LINGO2: variants seen among roughly 807,000 people sequenced by gnomAD.
The protein encoded by LINGO2 is leucine-rich repeat and immunoglobulin-like domain-containing nogo receptor-interacting protein 2.
In LINGO2, 14 loss-of-function variants were observed where a neutral mutation model predicts 30.6. The ratio of observed to expected loss-of-function variants is 0.46; its 90% CI spans 0.30 to 0.72. The LOEUF is 0.72. Ranked by LOEUF, LINGO2 falls within the 30% of genes least tolerant of loss-of-function variation. The pLI is 0.07. For missense variants in LINGO2, 729 were observed against 751.7 expected (o/e 0.97, Z 0.35); for synonymous variants, 317 against 288.5 (o/e 1.10, Z -1.00).
At chr9:28,087,307 T>C (rs1825943448) in intron 4 of LINGO2, among the ~76,000 whole-genome samples, 1 of 152,054 alleles carries the variant, frequency 6.6e-6, no homozygotes, top group Non-Finnish European at 1.5e-5. Context: ...TTGGGGTTAT[T>C]TGTTATACAG....
chr9:28,243,457 C>A (rs1246258530), intron 4 of LINGO2, among the ~76,000 whole-genome samples: 13 of 98,286 alleles, frequency 1.3e-4, no homozygotes, highest in South Asian at 7.0e-4. Flanking sequence ...AAGACTCTCT[C>A]AAAAAATAAA....
chr9:28,259,128 G>A (rs1344397935), intron 4 of LINGO2, among the ~76,000 whole-genome samples: 1 of 151,950 alleles, frequency 6.6e-6, no homozygotes, highest in Non-Finnish European at 1.5e-5. Flanking sequence ...TATTCTGTAA[G>A]TAGTGTTGCT....
At chr9:28,436,622 T>G (rs1823946138) in intron 2 of LINGO2, among the ~76,000 whole-genome samples, 1 of 151,872 alleles carries the variant, frequency 6.6e-6, no homozygotes, top group African/African-American at 2.4e-5. Context: ...CACGACCGGC[T>G]AATTTTTTGT....
chr9:28,538,505 TA>T (rs1303806306), intron 1 of LINGO2, among the ~76,000 whole-genome samples: 1 of 152,098 alleles, frequency 6.6e-6, no homozygotes, highest in Non-Finnish European at 1.5e-5. Flanking sequence ...ATTAATAGAA[TA>T]AAGGAGTAAA....
chr9:28,742,644 G>A, the LINGO2 span, among the ~76,000 whole-genome samples: 22 of 151,124 alleles, frequency 1.5e-4, no homozygotes, highest in Admixed American at 2.0e-4. Flanking sequence ...TTCACAATTC[G>A]TACTTTTTAT....
At chr9:28,201,211 A>G (rs933313237) in intron 4 of LINGO2, among the ~76,000 whole-genome samples, 2 of 145,512 alleles carry the variant, frequency 1.4e-5, no homozygotes, top group African/African-American at 5.1e-5. Flanking sequence ...ATATCTCCCA[A>G]TGCTATCCCT....
chr9:28,204,512 G>A (rs998007029), intron 4 of LINGO2, among the ~76,000 whole-genome samples: 10 of 152,028 alleles, frequency 6.6e-5, no homozygotes, highest in Non-Finnish European at 1.3e-4. Flanking sequence ...TCAGTGAATT[G>A]TTAGCGACAT....
At chr9:28,874,953 G>A in the LINGO2 span, among the ~76,000 whole-genome samples, 2 of 152,006 alleles carry the variant, frequency 1.3e-5, no homozygotes, top group African/African-American at 2.4e-5. Flanking sequence ...CCATGCTAAG[G>A]CTTAACTAAA....
At chr9:28,646,470 C>T (rs1198249920) in intron 1 of LINGO2, among the ~76,000 whole-genome samples, 1 of 151,988 alleles carries the variant, frequency 6.6e-6, no homozygotes, top group African/African-American at 2.4e-5. Flanking sequence ...ACTTAACGGG[C>T]TAAACTAATT....
chr9:29,044,557 A>G, the LINGO2 span, among the ~76,000 whole-genome samples: 2 of 152,086 alleles, frequency 1.3e-5, no homozygotes, highest in Non-Finnish European at 1.5e-5. Flanking sequence ...AAAACAATAC[A>G]TGCATTTACC....
chr9:28,047,828 T>C lies in LINGO2; in HGVS notation c.-86-35423A>G, dbSNP rs147087857. Among the ~76,000 whole-genome samples, 375 of 150,922 alleles carry C rather than the reference T, an allele frequency of 2.5e-3. 16 individuals carry two copies. The highest frequency in any genetic ancestry group is 8.7e-3 in the African/African-American group (357 of 40,914). On this transcript the variant is annotated intron_variant, in intron 4 of 5. Coordinates refer to ENST00000379992, the Ensembl canonical transcript of LINGO2. ...TTTTTTTTACAGAAACCTATAAATC[T>C]TCAGAAGAATAAAGGTAGGTATAAT... is the stretch of plus-strand genomic sequence containing the variant.
chr9:28,774,519 G>C, the LINGO2 span, among the ~76,000 whole-genome samples: 1 of 151,946 alleles, frequency 6.6e-6, no homozygotes, highest in Non-Finnish European at 1.5e-5. Flanking sequence ...AAATGTGATT[G>C]GTATATTCTC....
chr9:29,161,845 C>A, the LINGO2 span, among the ~76,000 whole-genome samples: 1 of 151,722 alleles, frequency 6.6e-6, no homozygotes, highest in Non-Finnish European at 1.5e-5. Flanking sequence ...CATATTAGTG[C>A]TATTGAAATG....
At chr9:28,810,455 A>G in the LINGO2 span, among the ~76,000 whole-genome samples, 1 of 152,168 alleles carries the variant, frequency 6.6e-6, no homozygotes, top group African/African-American at 2.4e-5. Context: ...GATTGTAAGG[A>G]GATGTCACCT....
In LINGO2 at chr9:28,149,800, T is replaced by C. The variant is rs559140269; in HGVS notation, c.-86-137395A>G. Reference sequence around the variant, plus strand: ...CTGCCTCTGCCCGGCCTCCATCCCATCTGGGAAGTGACGAGCACCTCTGCC... The same window carrying C: ...CTGCCTCTGCCCGGCCTCCATCCCACCTGGGAAGTGACGAGCACCTCTGCC... On this transcript the variant is annotated intron_variant, in intron 4 of 5. Transcript: ENST00000379992. 1.4e-4 allele frequency among the ~76,000 whole-genome samples: 21 copies of C among 147,584 alleles called. No homozygotes were observed. The South Asian group carries it at 4.3e-3, about 30-fold the overall frequency.
intron 1 of LINGO2, among the ~76,000 whole-genome samples, chr9:28,509,271 A>G (rs575143929): frequency 6.6e-6 from 1 of 152,258 alleles, no homozygotes; most frequent in East Asian, 1.9e-4. Flanking sequence ...CAGGTTTCAC[A>G]TTTTCGCTCG....
chr9:28,304,475 T>C (rs972231634), intron 3 of LINGO2, among the ~76,000 whole-genome samples: 4 of 152,002 alleles, frequency 2.6e-5, no homozygotes, highest in Admixed American at 2.6e-4. Context: ...AATCAGTATA[T>C]CCCTGAAACC....
chr9:28,678,550 A>G, the LINGO2 span, among the ~76,000 whole-genome samples: 1 of 152,122 alleles, frequency 6.6e-6, no homozygotes, highest in Non-Finnish European at 1.5e-5. Flanking sequence ...CGCTTGCTAG[A>G]CTGCATGATG....
At chr9:29,027,118 TA>T in the LINGO2 span, among the ~76,000 whole-genome samples, 4 of 151,944 alleles carry the variant, frequency 2.6e-5, no homozygotes, top group East Asian at 5.8e-4. Flanking sequence ...AGAAAATGGG[TA>T]AAAAAATATA....
Sources: allele counts gnomAD v4.1 joint callset (sites outside exome capture counted in the v4.1 genomes callset), GRCh38; gene constraint gnomAD v4.1.1; transcripts MANE v1.5; gene names NCBI Gene and HGNC (gene_info 2026-07-23, HGNC 2026-07-21).